The following RYR2 variants were observed in gnomAD, a reference collection of about 807,000 sequenced individuals.
RYR2 encodes the protein cardiac muscle ryanodine receptor-calcium release channel.
A neutral mutation model predicts 601.1 loss-of-function variants in RYR2; 227 were observed. That is an observed-to-expected ratio of 0.38 (90% confidence interval 0.34 to 0.42). The LOEUF is 0.42. Ranked by LOEUF, RYR2 falls within the 10% of genes least tolerant of loss-of-function variation. The pLI, the probability that RYR2 is intolerant of heterozygous loss-of-function variation, is 1.00. For synonymous variants in RYR2, 2,223 were observed against 2,175.1 expected, an observed-to-expected ratio of 1.02 and a Z score of -0.61; for missense variants, 4,646 against 6,156.5, an observed-to-expected ratio of 0.75 and a Z score of 8.21.
At chr1:237,254,710 CT>C (rs972788271) in intron 1 of RYR2, among the ~76,000 whole-genome samples, 4 of 152,180 alleles carry the variant, frequency 2.6e-5, no homozygotes. Context: ...TGGGTCTCAT[CT>C]GCTCTAAATA....
At chr1:237,814,201 G>A (rs764403352) in intron 100 of RYR2, among the ~76,000 whole-genome samples, 36 of 152,142 alleles carry the variant, frequency 2.4e-4, no homozygotes, top group Non-Finnish European at 4.6e-4. Context: ...AGAGTAGTGC[G>A]CTTTCAAAGT....
chr1:237,749,974 C>T (rs943562867), intron 80 of RYR2, among the ~76,000 whole-genome samples: 2 of 151,914 alleles, frequency 1.3e-5, no homozygotes, highest in South Asian at 2.1e-4. Context: ...GGTGAAATCC[C>T]ATCTCTGCTA....
intron 9 of RYR2, 47 bp downstream of exon 9, chr1:237,387,427 G>A (rs1025507941): frequency 1.3e-6 from 2 of 1,537,498 alleles, no homozygotes; most frequent in Admixed American, 1.7e-5. Flanking sequence ...CTGCAAAGTT[G>A]ACAGTCATCT....
intron 11 of RYR2, among the ~76,000 whole-genome samples, chr1:237,420,297 C>T (rs1315615686): frequency 2.6e-5 from 4 of 152,098 alleles, no homozygotes; most frequent in African/African-American, 4.8e-5. Context: ...CTATGAATTA[C>T]ATAGAGTTCA....
intron 1 of RYR2, among the ~76,000 whole-genome samples, chr1:237,163,386 T>A (rs1333188149): frequency 1.3e-5 from 1 of 75,130 alleles, no homozygotes; most frequent in Non-Finnish European, 2.4e-5. Flanking sequence ...CCACAACTGC[T>A]GGTCTTTCCA....
chr1:237,797,922 G>A, intron 96 of RYR2, 115 bp from the exon 97 acceptor site: 1 of 973,502 alleles, frequency 1.0e-6, no homozygotes, highest in East Asian at 2.8e-5. Context: ...GATTTTAAGT[G>A]ATTGTTAGGG....
intron 1 of RYR2, among the ~76,000 whole-genome samples, chr1:237,186,329 A>T (rs974750908): frequency 2.0e-5 from 3 of 152,110 alleles, no homozygotes; most frequent in Non-Finnish European, 4.4e-5. Flanking sequence ...CTTTTATAAC[A>T]TGCCATTCTG....
intron 19 of RYR2, among the ~76,000 whole-genome samples, chr1:237,496,140 C>T (rs1664046212): frequency 6.6e-6 from 1 of 152,166 alleles, no homozygotes. Context: ...CACGGTGGCT[C>T]ATGCCTGTTA....
At chr1:237,346,990 G>C (rs1053926369) in intron 3 of RYR2, among the ~76,000 whole-genome samples, 23 of 152,038 alleles carry the variant, frequency 1.5e-4, no homozygotes, top group Non-Finnish European at 8.8e-5. Context: ...CTCAGTTTGA[G>C]GTCCTGTGAG....
chr1:237,292,602 C>G (rs1692350662), intron 2 of RYR2, among the ~76,000 whole-genome samples: 1 of 152,118 alleles, frequency 6.6e-6, no homozygotes, highest in Non-Finnish European at 1.5e-5. Flanking sequence ...GATTTGCAGC[C>G]AGAAAATTTT....
intron 16 of RYR2, among the ~76,000 whole-genome samples, chr1:237,466,055 T>C (rs1660052739): frequency 6.6e-6 from 1 of 152,222 alleles, no homozygotes; most frequent in Admixed American, 6.5e-5. Context: ...TCCCTTCTAT[T>C]GCATCAGTTT....
intron 22 of RYR2, among the ~76,000 whole-genome samples, chr1:237,504,747 G>A (rs1665036969): frequency 6.6e-6 from 1 of 152,178 alleles, no homozygotes; most frequent in Admixed American, 6.5e-5. Flanking sequence ...GACACACACC[G>A]ATCTTAGAGT....
chr1:237,282,587 C>A (rs1158955909), intron 2 of RYR2, among the ~76,000 whole-genome samples: 1 of 152,022 alleles, frequency 6.6e-6, no homozygotes, highest in African/African-American at 2.4e-5. Context: ...AAGTTTGCTG[C>A]CAATAGGTTA....
At chr1:237,389,809 C>G (rs1016086151) in intron 10 of RYR2, among the ~76,000 whole-genome samples, 1 of 152,136 alleles carries the variant, frequency 6.6e-6, no homozygotes, top group African/African-American at 2.4e-5. Flanking sequence ...ATGTCTGAGT[C>G]TTTAACTTAA....
intron 70 of RYR2, among the ~76,000 whole-genome samples, chr1:237,710,717 AATGCATGCCCGGT>A (rs1553295078): frequency 6.6e-6 from 1 of 152,068 alleles, no homozygotes; most frequent in Non-Finnish European, 1.5e-5. Flanking sequence ...ATAGATAGAT[AATGCATGCCCGGT>A]GACAGGTGGG....
chr1:237,554,176 C>A (rs1217916913), intron 27 of RYR2, among the ~76,000 whole-genome samples: 1 of 151,152 alleles, frequency 6.6e-6, no homozygotes, highest in Non-Finnish European at 1.5e-5. Context: ...CCCTTCTGTT[C>A]TTAGTTTGTG....
intron 1 of RYR2, among the ~76,000 whole-genome samples, chr1:237,062,461 G>A (rs1663001342): frequency 6.6e-6 from 1 of 152,062 alleles, no homozygotes; most frequent in African/African-American, 2.4e-5. Flanking sequence ...CATTTTGGGG[G>A]TCAGATTTAT....
rs74150109 is a variant in RYR2, at chr1:237,544,995, T to G, written c.2907-3436T>G. ...TGAAGTGAGAGTTTGTAACTATAAT[T>G]TGGATGGGATTATTAGCCATTTAAA... On this transcript the variant is annotated intron_variant, in intron 25 of 104. Coordinates refer to ENST00000366574, the MANE Select transcript of RYR2 (RefSeq NM_001035.3). Among the ~76,000 whole-genome samples, 990 of 152,308 alleles carry G rather than the reference T, an allele frequency of 6.5e-3. 10 individuals are homozygous for G. The highest frequency in any genetic ancestry group is 0.023 in the African/African-American group (949 of 41,580).
chr1:237,461,971 A>C (rs1842081), intron 16 of RYR2, among the ~76,000 whole-genome samples: 75,207 of 151,928 alleles, frequency 0.5, 19,637 homozygotes, highest in East Asian at 0.75. Flanking sequence ...TCAGAACCAT[A>C]TGCTGCCAAT....
Sources: allele counts gnomAD v4.1 joint callset (sites outside exome capture counted in the v4.1 genomes callset), GRCh38; gene constraint gnomAD v4.1.1; transcripts MANE v1.5; gene names NCBI Gene and HGNC (gene_info 2026-07-23, HGNC 2026-07-21).